Variants in CXorf66 observed in about 807,000 individuals in gnomAD.
CXorf66 encodes the protein chromosome X open reading frame 66.
CXorf66 carries 6 observed loss-of-function variants against 5.0 expected under a neutral mutation model. The ratio of observed to expected loss-of-function variants is 1.20; its 90% CI spans 0.65 to 2.36. CXorf66 has a LOEUF of 2.36. Ranked by LOEUF, CXorf66 falls within the 30% of genes most tolerant of loss-of-function variation. The pLI, the probability that CXorf66 is intolerant of heterozygous loss-of-function variation, is 0.00. For missense variants in CXorf66, 270 were observed against 254.9 expected (o/e 1.06, Z -0.40); for synonymous variants, 98 against 102.8 (o/e 0.95, Z 0.28).
chrX:139,957,158 C>G (rs978443683), intron 2 of CXorf66, among the ~76,000 whole-genome samples: 3 of 111,529 alleles, frequency 2.7e-5, no homozygotes, highest in East Asian at 2.8e-4. Context: ...CAAAGTGAGA[C>G]TCTGTCTCAA....
intron 1 of CXorf66, among the ~76,000 whole-genome samples, chrX:139,964,272 C>T (rs1296174400): frequency 1.8e-5 from 2 of 111,819 alleles, no homozygotes; most frequent in Non-Finnish European, 3.8e-5. Flanking sequence ...AGACACTTCT[C>T]AAAAGAAGAC....
In CXorf66 at chrX:139,956,621, C is replaced by T; in HGVS notation, c.361G>A (p.Asp121Asn). 8.3e-7 allele frequency: 1 copy of T among 1,211,521 alleles called. No individual in the cohort carries two copies. Among genetic ancestry groups the T allele is most frequent in the Non-Finnish European group, 1.1e-6 (1 of 895,489 alleles). The change falls in exon 3 of 3, where the codon GAT (aspartate) becomes AAT (asparagine). Residue 121 changes from aspartate to asparagine, a missense_variant. Coordinates refer to ENST00000370540, the MANE Select transcript of CXorf66 (RefSeq NM_001013403.3). Reference sequence around the variant, plus strand: ...GATGCCCTTTCTGGACTCGATGAATCAGATGACTTGTCTGCAGTAGATAGC... The same window carrying T: ...GATGCCCTTTCTGGACTCGATGAATTAGATGACTTGTCTGCAGTAGATAGC... Reference protein sequence around the residue: ...PMLSTADKSSDSSSPERASAQ... With the variant: ...PMLSTADKSSNSSSPERASAQ...
At position 139,958,261 on chromosome X, in the gene CXorf66, GT is replaced by G. The variant is rs763556786; in HGVS notation, c.89-45del. 18 of 995,591 alleles carry G rather than the reference GT, an allele frequency of 1.8e-5. No individual in the cohort carries two copies. In the East Asian group the frequency reaches 4.7e-4, roughly 26 times the overall value. The allele number at this position is 995,591 out of a possible 1,213,427, so 82.0% of individuals were successfully genotyped here. On this transcript the variant is annotated intron_variant, in intron 1 of 2. Transcript: ENST00000370540. ...ATCAGAGAAGGTGTTAAGTAACCAA[GT>G]TTTTTTCCACATTGATAGTGGTTTG...
chrX:139,964,331 A>G (rs188477504), intron 1 of CXorf66, among the ~76,000 whole-genome samples: 233 of 112,215 alleles, frequency 2.1e-3, no homozygotes, highest in African/African-American at 7.3e-3. Flanking sequence ...ATCACTGGTC[A>G]TTAGAGAAAT....
Position 139,958,053 on chromosome X carries a change from G to A in CXorf66, c.242+11C>T, listed in dbSNP as rs976361880. The A allele has an allele frequency of 1.7e-6, 2 of 1,184,198 alleles. No homozygotes were observed. The highest frequency in any genetic ancestry group is 2.4e-5 in the Admixed American group (1 of 41,061). On this transcript the variant is annotated intron_variant, in intron 2 of 2. Coordinates refer to ENST00000370540, the MANE Select transcript of CXorf66 (RefSeq NM_001013403.3). Reference sequence around the variant, plus strand: ...CACCTCGCACTCTTAATTTAAAGGAGTAAAACTTACATTCCTGCTTTGGAC... The same window carrying A: ...CACCTCGCACTCTTAATTTAAAGGAATAAAACTTACATTCCTGCTTTGGAC...
At chrX:139,962,450 A>C (rs1402709715) in intron 1 of CXorf66, among the ~76,000 whole-genome samples, 1 of 111,535 alleles carries the variant, frequency 9.0e-6, no homozygotes, top group African/African-American at 3.3e-5. Context: ...CAACCAAAAA[A>C]AGCCCAGGAC....
rs769321243 is a variant in CXorf66 at position 139,964,914 on chromosome X, G to T, written c.88+495C>A. On this transcript the variant is annotated intron_variant, in intron 1 of 2. Coordinates refer to ENST00000370540, the MANE Select transcript of CXorf66 (RefSeq NM_001013403.3). ...ACATCACACACTGGGGCCTGTTGTG[G>T]GGGTTGGGGGCAAGGGGAGGGAGAG... 1.8e-4 allele frequency among the ~76,000 whole-genome samples: 20 copies of T among 109,784 alleles called. No individual in the cohort carries two copies. The Middle Eastern group carries it at 0.014, about 76-fold the overall frequency.
At chrX:139,960,933 C>T (rs767034400) in intron 1 of CXorf66, among the ~76,000 whole-genome samples, 3 of 111,648 alleles carry the variant, frequency 2.7e-5, no homozygotes, top group African/African-American at 9.8e-5. Context: ...GAAGGAAGCA[C>T]TAAATATAGA....
At chrX:139,958,287 G>T in intron 1 of CXorf66, 70 bp from the exon 2 acceptor site, 1 of 713,397 alleles carries the variant, frequency 1.4e-6, no homozygotes, top group Non-Finnish European at 2.0e-6. Context: ...ATAGTGGTTT[G>T]ATAGTGTAGA....
chrX:139,960,500 A>G (rs2085589741), intron 1 of CXorf66, among the ~76,000 whole-genome samples: 1 of 111,191 alleles, frequency 9.0e-6, no homozygotes, highest in South Asian at 3.8e-4. Flanking sequence ...GTTGGAAAAC[A>G]CACTTCAGGA....
intron 1 of CXorf66, among the ~76,000 whole-genome samples, chrX:139,963,607 C>T (rs2085602637): frequency 9.0e-6 from 1 of 111,270 alleles, no homozygotes; most frequent in African/African-American, 3.3e-5. Context: ...ATAGCAAAGA[C>T]AATCCTAAGC....
At chrX:139,965,169 T>C (rs952320324) in intron 1 of CXorf66, among the ~76,000 whole-genome samples, 7 of 111,137 alleles carry the variant, frequency 6.3e-5, no homozygotes, top group African/African-American at 9.8e-5. Context: ...TGGGGACAGG[T>C]TGGTATATTG....
At chrX:139,961,983 T>C (rs2085594924) in intron 1 of CXorf66, among the ~76,000 whole-genome samples, 1 of 111,360 alleles carries the variant, frequency 9.0e-6, no homozygotes. Context: ...AGATCTGAAA[T>C]TGACACCCTA....
At chrX:139,956,806 A>G (rs1398075830) in intron 2 of CXorf66, 67 bp from the exon 3 acceptor site, 1 of 1,028,413 alleles carries the variant, frequency 9.7e-7, no homozygotes, top group African/African-American at 1.9e-5. Flanking sequence ...ATTATCGGAG[A>G]ACGTATGGTA....
rs1201207382 is a variant in CXorf66, at chrX:139,956,104, T to C, written c.878A>G (p.Asn293Ser). The change falls in exon 3 of 3, where the codon AAC becomes AGC. Residue 293 changes from asparagine (N) to serine (S), a missense_variant. Asn to Ser is a conservative substitution (Grantham distance 46, BLOSUM62 1). Coordinates refer to ENST00000370540, the MANE Select transcript of CXorf66 (RefSeq NM_001013403.3). ...VNDISEAKEK[N>S]TQNLHVSSKV... ...GCTTGAAACATGTAGGTTTTGAGTG[T>C]TTTTCTCCTTTGCCTCAGAAATATC... 4.1e-6 allele frequency: 5 copies of C among 1,209,721 alleles called. No homozygotes were observed. Among genetic ancestry groups the C allele is most frequent in the Non-Finnish European group, 5.6e-6 (5 of 894,983 alleles).
At chrX:139,960,907 C>A (rs1263776494) in intron 1 of CXorf66, among the ~76,000 whole-genome samples, 2 of 111,628 alleles carry the variant, frequency 1.8e-5, no homozygotes, top group African/African-American at 6.5e-5. Context: ...ACCAGGCCTG[C>A]CTTACAAGAG....
chrX:139,964,043 A>C (rs986409068), intron 1 of CXorf66, among the ~76,000 whole-genome samples: 1 of 112,075 alleles, frequency 8.9e-6, no homozygotes, highest in African/African-American at 3.2e-5. Context: ...CAATGGCAAC[A>C]AAAGCCAAAA....
chrX:139,960,242 G>A (rs187913330), intron 1 of CXorf66, among the ~76,000 whole-genome samples: 14 of 109,237 alleles, frequency 1.3e-4, no homozygotes, highest in African/African-American at 4.6e-4. Flanking sequence ...ATGACCTGAT[G>A]GAGGTGAAAA....
chrX:139,962,238 G>A (rs747151739), intron 1 of CXorf66, among the ~76,000 whole-genome samples: 1 of 110,931 alleles, frequency 9.0e-6, no homozygotes, highest in African/African-American at 3.3e-5. Context: ...TAATAAAGGG[G>A]GTATCACCAA....
Sources: gnomAD v4.1 joint callset for allele counts (sites outside exome capture counted in the v4.1 genomes callset) on GRCh38, gnomAD v4.1.1 for gene constraint, MANE v1.5 for transcripts, NCBI Gene and HGNC (gene_info 2026-07-23, HGNC 2026-07-21) for gene names.